The following CABLES1 variants were observed in gnomAD, a reference collection of about 807,000 sequenced individuals.
CABLES1 encodes CDK5 and ABL1 enzyme substrate 1.
A neutral mutation model predicts 57.8 loss-of-function variants in CABLES1; 36 were observed. The ratio of observed to expected loss-of-function variants is 0.62; its 90% CI spans 0.48 to 0.82. The LOEUF (loss-of-function observed/expected upper bound fraction) is 0.82. Ranked by LOEUF, CABLES1 falls within the 40% of genes least tolerant of loss-of-function variation. CABLES1 has a pLI of 0.00. For missense variants in CABLES1, 767 were observed against 836.6 expected, an observed-to-expected ratio of 0.92 and a Z score of 1.03; for synonymous variants, 374 against 363.0, an observed-to-expected ratio of 1.03 and a Z score of -0.35.
At chr18:23,240,268 G>T (rs1484737896) in intron 7 of CABLES1, among the ~76,000 whole-genome samples, 1 of 152,244 alleles carries the variant, frequency 6.6e-6, no homozygotes, top group African/African-American at 2.4e-5. Flanking sequence ...TTTTGGTAGG[G>T]AGAGCCCAGT....
chr18:23,149,614 T>C (rs1021964275), intron 1 of CABLES1: 10 of 152,248 alleles, frequency 6.6e-5, no homozygotes, highest in African/African-American at 2.2e-4. Flanking sequence ...CTAAACTCTA[T>C]CCTGGATACG....
chr18:23,169,927 C>G (rs1465684986), intron 1 of CABLES1, among the ~76,000 whole-genome samples: 1 of 152,058 alleles, frequency 6.6e-6, no homozygotes, highest in Non-Finnish European at 1.5e-5. Flanking sequence ...TCATGGGCAG[C>G]CGGAGGGCAG....
At chr18:23,229,285 G>A (rs970863345) in intron 4 of CABLES1, among the ~76,000 whole-genome samples, 6 of 152,018 alleles carry the variant, frequency 3.9e-5, no homozygotes, top group Non-Finnish European at 5.9e-5. Flanking sequence ...GGTGGCAGGC[G>A]CCTGTAATCC....
rs906063571 is a variant in CABLES1 at position 23,252,883 on chromosome 18, T to C, written c.1447-77T>C. On this transcript the variant is annotated intron_variant, in intron 7 of 9. Coordinates refer to ENST00000256925, the MANE Select transcript of CABLES1 (RefSeq NM_001100619.3). Reference sequence around the variant, plus strand: ...TGCTCATGGCTTTGGGAGTTGTAAGTTGGTCGTAGTTGGTGCATAATTATT... The same window carrying C: ...TGCTCATGGCTTTGGGAGTTGTAAGCTGGTCGTAGTTGGTGCATAATTATT... 1.7e-5 allele frequency: 16 copies of C among 915,552 alleles called. No homozygotes were observed. In the African/African-American group the frequency reaches 2.6e-4, roughly 15 times the overall value. The allele number at this position is 915,552 out of a possible 1,614,324, so 56.7% of individuals were successfully genotyped here.
At chr18:23,164,657 C>CT (rs11400807) in intron 1 of CABLES1, among the ~76,000 whole-genome samples, 4,943 of 144,406 alleles carry the variant, frequency 0.034, 262 homozygotes, top group African/African-American at 0.12. Flanking sequence ...CACACTAAAG[C>CT]TTTTTTTTTT....
intron 7 of CABLES1, among the ~76,000 whole-genome samples, chr18:23,246,438 C>T (rs902859174): frequency 1.3e-5 from 2 of 152,134 alleles, no homozygotes; most frequent in South Asian, 4.2e-4. Flanking sequence ...GTCGCCCAGG[C>T]TGAAGTGCAG....
At chr18:23,216,656 A>G (rs2047444302) in intron 4 of CABLES1, among the ~76,000 whole-genome samples, 1 of 152,240 alleles carries the variant, frequency 6.6e-6, no homozygotes, top group South Asian at 2.1e-4. Context: ...TCTACCTCAC[A>G]CCATTAACTT....
chr18:23,235,163 G>A (rs1045735604), intron 5 of CABLES1, among the ~76,000 whole-genome samples: 4 of 152,306 alleles, frequency 2.6e-5, no homozygotes, highest in East Asian at 1.9e-4. Flanking sequence ...GCAACGAGTC[G>A]TGGGGTTGAA....
intron 2 of CABLES1, 57 bp from the exon 3 acceptor site, chr18:23,194,391 C>T (rs2047266648): frequency 1.4e-5 from 15 of 1,057,362 alleles, no homozygotes; most frequent in Non-Finnish European, 1.8e-5. Context: ...TATGTGGAGA[C>T]GTCTCAGCTG....
At chr18:23,167,676 A>C (rs1412247882) in intron 1 of CABLES1, among the ~76,000 whole-genome samples, 2 of 134,340 alleles carry the variant, frequency 1.5e-5, no homozygotes, top group Non-Finnish European at 3.1e-5. Flanking sequence ...AAGAAAATCC[A>C]CCTGACAGTA....
chr18:23,251,917 C>G (rs1288195637), intron 7 of CABLES1, among the ~76,000 whole-genome samples: 6 of 152,042 alleles, frequency 3.9e-5, no homozygotes, highest in Non-Finnish European at 7.4e-5. Flanking sequence ...GAAACTCAGT[C>G]TCTCTTAAAA....
intron 7 of CABLES1, among the ~76,000 whole-genome samples, chr18:23,242,230 A>C (rs773906482): frequency 6.6e-5 from 10 of 152,192 alleles, no homozygotes; most frequent in Admixed American, 1.3e-4. Flanking sequence ...GTGAGCTGAG[A>C]TCACACTATT....
At chr18:23,223,241 T>C (rs989173081) in intron 4 of CABLES1, among the ~76,000 whole-genome samples, 25 of 152,026 alleles carry the variant, frequency 1.6e-4, no homozygotes, top group African/African-American at 5.6e-4. Context: ...CACAGCCCCA[T>C]ATTGAGCAGG....
chr18:23,150,428 G>C (rs539660866), intron 1 of CABLES1, among the ~76,000 whole-genome samples: 1 of 152,184 alleles, frequency 6.6e-6, no homozygotes, highest in Non-Finnish European at 1.5e-5. Flanking sequence ...GTGTTAGCCA[G>C]GATGGTCTCA....
intron 6 of CABLES1, among the ~76,000 whole-genome samples, chr18:23,236,453 T>C (rs75533434): frequency 0.012 from 1,890 of 152,300 alleles, 13 homozygotes; most frequent in African/African-American, 0.024. Flanking sequence ...GAGTTTCCTT[T>C]GTGCCTATCT....
chr18:23,236,847 G>T (rs1460356710), intron 6 of CABLES1, among the ~76,000 whole-genome samples: 1 of 152,194 alleles, frequency 6.6e-6, no homozygotes, highest in Non-Finnish European at 1.5e-5. Context: ...TCTGCATCTT[G>T]CACGCTGTGT....
intron 6 of CABLES1, among the ~76,000 whole-genome samples, chr18:23,236,471 T>A (rs1317140814): frequency 6.6e-6 from 1 of 152,036 alleles, no homozygotes; most frequent in African/African-American, 2.4e-5. Context: ...TCTTGGTGGG[T>A]GAGCTGAGTT....
intron 1 of CABLES1, among the ~76,000 whole-genome samples, chr18:23,178,801 G>A (rs1401840965): frequency 2.0e-5 from 3 of 152,148 alleles, no homozygotes; most frequent in Non-Finnish European, 4.4e-5. Flanking sequence ...TGAAACAAAA[G>A]TAAACTCAGG....
rs369399531 is a variant in CABLES1, at chr18:23,234,593, G to A, written c.1089-15G>A. On this transcript the variant is annotated splice_polypyrimidine_tract_variant and intron_variant, in intron 4 of 9. Coordinates refer to ENST00000256925, the MANE Select transcript of CABLES1 (RefSeq NM_001100619.3). Reference sequence around the variant, plus strand: ...ACACAAAAGCATTTTTTTTTCCTCTGACTTGTCCTCCCAGGGACTTGAAGT... The same window carrying A: ...ACACAAAAGCATTTTTTTTTCCTCTAACTTGTCCTCCCAGGGACTTGAAGT... 6.3e-7 allele frequency: 1 copy of A among 1,599,516 alleles called. No individual in the cohort carries two copies. Among genetic ancestry groups the A allele is most frequent in the East Asian group, 2.2e-5 (1 of 44,792 alleles).
Sources: gnomAD v4.1 joint callset for allele counts (sites outside exome capture counted in the v4.1 genomes callset) on GRCh38, gnomAD v4.1.1 for gene constraint, MANE v1.5 for transcripts, NCBI Gene and HGNC (gene_info 2026-07-23, HGNC 2026-07-21) for gene names.